UNC5D: variants seen among roughly 807,000 people sequenced by gnomAD.
UNC5D encodes netrin receptor UNC5D.
Under a neutral mutation model 105.4 loss-of-function variants are expected in UNC5D, and 39 were observed. The observed-to-expected ratio is 0.37, with a 90% confidence interval of 0.29 to 0.48. UNC5D has a LOEUF of 0.48. Ranked by LOEUF, UNC5D falls within the 20% of genes least tolerant of loss-of-function variation. The pLI is 0.98. For synonymous variants in UNC5D, 452 were observed against 450.4 expected, an observed-to-expected ratio of 1.00 and a Z score of -0.04; for missense variants, 991 against 1,202.4, an observed-to-expected ratio of 0.82 and a Z score of 2.60.
Position 35,731,084 on chromosome 8 carries a change from A to G in UNC5D, c.1754A>G (p.Gln585Arg). 2 of 1,613,928 alleles carry G rather than the reference A, an allele frequency of 1.2e-6. No individual in the cohort carries two copies. The highest frequency in any genetic ancestry group is 1.7e-6 in the Non-Finnish European group (2 of 1,179,874). The change falls in exon 11 of 17, where the codon CAA becomes CGA. Residue 585 changes from glutamine (Q) to arginine (R), a missense_variant. Around this residue, in one of 3 missense-constraint regions of UNC5D, gnomAD observed 944 missense variants for 1,131.6 expected, o/e 0.83. Coordinates refer to ENST00000404895, the MANE Select transcript of UNC5D (RefSeq NM_080872.4). ...NSWEIYMSIN[Q>R]GEPSLQSDGS... is the part of the protein sequence containing the mutation. ...TGGGAGATTTATATGTCCATCAACC[A>G]AGGTGAACCCAGGTGAGAGACAGAG...
At position 35,245,121 on chromosome 8, in the gene UNC5D, A is replaced by G. The variant is rs533132376; in HGVS notation, c.103+9234A>G. On this transcript the variant is annotated intron_variant, in intron 1 of 16. Transcript: ENST00000404895. ...TTCTAAATACCTCGTCTTTATTATT[A>G]CTTTTGAGTGTATGTGCTTTATTTT... Among the ~76,000 whole-genome samples the G allele has an allele frequency of 1.4e-4, 21 of 152,254 alleles. No individual in the cohort carries two copies. The South Asian group carries it at 3.5e-3, about 26-fold the overall frequency.
chr8:35,434,079 T>G (rs992018410), intron 1 of UNC5D, among the ~76,000 whole-genome samples: 1 of 152,014 alleles, frequency 6.6e-6, no homozygotes, highest in Non-Finnish European at 1.5e-5. Context: ...TGTAACATAA[T>G]GATAAGCCTT....
chr8:35,473,430 T>C (rs1332125230), intron 1 of UNC5D, among the ~76,000 whole-genome samples: 1 of 152,192 alleles, frequency 6.6e-6, no homozygotes, highest in Non-Finnish European at 1.5e-5. Flanking sequence ...AAGTATTTGG[T>C]AGGTGGAATG....
intron 1 of UNC5D, among the ~76,000 whole-genome samples, chr8:35,427,064 C>T (rs1270504047): frequency 2.6e-5 from 4 of 152,144 alleles, no homozygotes; most frequent in African/African-American, 4.8e-5. Flanking sequence ...TTGATTTATT[C>T]CCCTGAATTG....
chr8:35,426,763 G>A (rs577053280), intron 1 of UNC5D, among the ~76,000 whole-genome samples: 1 of 152,218 alleles, frequency 6.6e-6, no homozygotes, highest in South Asian at 2.1e-4. Flanking sequence ...GGAGATTTAG[G>A]CTGAATGTTC....
Position 35,765,938 on chromosome 8 carries a change from G to T in UNC5D, c.2314-964G>T, listed in dbSNP as rs115051625. ...GTGAGGATTACCAGAGGCATATGTG[G>T]TCATTGCCAAGGGCCAAGCCACATT... On this transcript the variant is annotated intron_variant, in intron 14 of 16. Coordinates refer to ENST00000404895, the MANE Select transcript of UNC5D (RefSeq NM_080872.4). Among the ~76,000 whole-genome samples, 315 of 152,248 alleles carry T rather than the reference G, an allele frequency of 2.1e-3. 3 individuals are homozygous for T. Among genetic ancestry groups the T allele is most frequent in the African/African-American group, 7.2e-3 (298 of 41,556 alleles).
chr8:35,654,444 C>G (rs1376579175), intron 4 of UNC5D, among the ~76,000 whole-genome samples: 1 of 152,118 alleles, frequency 6.6e-6, no homozygotes, highest in Non-Finnish European at 1.5e-5. Context: ...ATCTTCCACT[C>G]TACCTGAGTT....
chr8:35,434,416 T>A (rs1362299844), intron 1 of UNC5D, among the ~76,000 whole-genome samples: 2 of 151,598 alleles, frequency 1.3e-5, no homozygotes, highest in South Asian at 2.1e-4. Flanking sequence ...TAATTTTAAA[T>A]TTTTTTTTAT....
At chr8:35,248,116 A>G (rs1803287370) in intron 1 of UNC5D, among the ~76,000 whole-genome samples, 1 of 74,486 alleles carries the variant, frequency 1.3e-5, no homozygotes, top group Admixed American at 2.6e-4. Context: ...TATAAAAAAT[A>G]TAATATATAA....
chr8:35,298,767 G>A (rs561096210), intron 1 of UNC5D, among the ~76,000 whole-genome samples: 5 of 152,200 alleles, frequency 3.3e-5, no homozygotes, highest in African/African-American at 1.2e-4. Flanking sequence ...AAAATTGTTG[G>A]AAGGATATAT....
chr8:35,283,968 A>G (rs975569243), intron 1 of UNC5D, among the ~76,000 whole-genome samples: 3 of 152,224 alleles, frequency 2.0e-5, no homozygotes, highest in Non-Finnish European at 4.4e-5. Context: ...ACAGTCTTCA[A>G]AATAAATCTT....
At position 35,544,606 on chromosome 8, in the gene UNC5D, T is replaced by A. The variant is rs563612329; in HGVS notation, c.104-4686T>A. 175 of 1,494,294 alleles carry A rather than the reference T, an allele frequency of 1.2e-4. 1 individual carries two copies. The East Asian group carries it at 4.1e-3, about 35-fold the overall frequency. 92.6% of individuals were successfully genotyped at this position (1,494,294 alleles called of 1,614,324 possible). ...ATTCTTTCGTTTTCGTTTTTTTTTT[T>A]TTTTTTTTTTTTTTGAGACAGAGTC... On this transcript the variant is annotated intron_variant, in intron 1 of 16. Coordinates refer to ENST00000404895, the MANE Select transcript of UNC5D (RefSeq NM_080872.4).
chr8:35,318,202 C>T (rs1809448829), intron 1 of UNC5D, among the ~76,000 whole-genome samples: 1 of 151,838 alleles, frequency 6.6e-6, no homozygotes, highest in Non-Finnish European at 1.5e-5. Flanking sequence ...ACTTCAAATT[C>T]TACATAAATG....
intron 15 of UNC5D, among the ~76,000 whole-genome samples, chr8:35,772,287 G>A (rs1802044316): frequency 2.0e-5 from 3 of 152,102 alleles, no homozygotes; most frequent in Admixed American, 2.0e-4. Flanking sequence ...TCCAAAAACA[G>A]AGCCCTCAAA....
intron 4 of UNC5D, among the ~76,000 whole-genome samples, chr8:35,622,234 C>T (rs1188159943): frequency 2.0e-5 from 3 of 152,058 alleles, no homozygotes; most frequent in Non-Finnish European, 4.4e-5. Context: ...CCCAGCTACT[C>T]GAGAGGCTGA....
At chr8:35,581,203 G>A (rs1270780959) in intron 3 of UNC5D, among the ~76,000 whole-genome samples, 1 of 152,050 alleles carries the variant, frequency 6.6e-6, no homozygotes, top group South Asian at 2.1e-4. Flanking sequence ...CTTCCCACCT[G>A]TAAATATTGT....
At chr8:35,687,441 CAA>C (rs34104800) in intron 7 of UNC5D, among the ~76,000 whole-genome samples, 181 of 53,054 alleles carry the variant, frequency 3.4e-3, no homozygotes, top group African/African-American at 0.011. Context: ...GACTCCGTCT[CAA>C]AAAAAAAAAA....
chr8:35,738,943 T>G (rs566391062), intron 11 of UNC5D, among the ~76,000 whole-genome samples: 7 of 152,316 alleles, frequency 4.6e-5, no homozygotes, highest in South Asian at 4.1e-4. Flanking sequence ...CTTAGAAGAA[T>G]CCAATTGATG....
At chr8:35,511,741 T>A (rs111891555) in intron 1 of UNC5D, among the ~76,000 whole-genome samples, 21,320 of 146,420 alleles carry the variant, frequency 0.15, 1,838 homozygotes, top group East Asian at 0.25. Context: ...AAAAAAAAAA[T>A]TAAAAAAAAA....
Sources: gnomAD v4.1 joint callset for allele counts (sites outside exome capture counted in the v4.1 genomes callset) on GRCh38, gnomAD v4.1.1 for gene constraint, gnomAD v4.1.1 regional missense constraint, MANE v1.5 for transcripts, NCBI Gene and HGNC (gene_info 2026-07-23, HGNC 2026-07-21) for gene names.